Variants in PTCH1 observed in about 807,000 individuals in gnomAD.
PTCH1 encodes the protein protein patched homolog 1.
In PTCH1, 14 loss-of-function variants were observed where a neutral mutation model predicts 144.6. The ratio of observed to expected loss-of-function variants is 0.10; its 90% CI spans 0.06 to 0.15. The LOEUF (loss-of-function observed/expected upper bound fraction) is 0.15, where lower values mean the gene tolerates loss of function less well. Among genes scored for constraint, PTCH1 ranks in the 10% least tolerant of loss-of-function variants. The probability of loss-of-function intolerance (pLI) is 1.00; values close to 1 mark genes in which losing one functional copy is unlikely to be tolerated. For synonymous variants in PTCH1, 833 were observed against 793.6 expected (o/e 1.05, Z -0.83); for missense variants, 1,623 against 1,948.3 (o/e 0.83, Z 3.14).
chr9:95,512,374 T>TCCCCACC (rs1195983005), upstream of PTCH1, among the ~76,000 whole-genome samples: 2 of 143,676 alleles, frequency 1.4e-5, no homozygotes, highest in East Asian at 4.6e-4. Context: ...TATCTTAATC[T>TCCCCACC]CCCCACCCCC....
intron 2 of PTCH1, among the ~76,000 whole-genome samples, chr9:95,491,477 C>T (rs542572168): frequency 1.3e-4 from 20 of 152,314 alleles, no homozygotes; most frequent in African/African-American, 4.8e-4. Flanking sequence ...TACCCAAGAG[C>T]GGAGCAAGTG....
rs140497736 is a variant in PTCH1, at chr9:95,468,884, C to G, written c.2117G>C (p.Ser706Thr). Residue 706 changes from serine (S) to threonine (T), a missense_variant, in exon 14 of 24, where the codon AGC becomes ACC. Around this residue, in one of 7 missense-constraint regions of PTCH1, gnomAD observed 179 missense variants for 165.7 expected, o/e 1.08. Transcript: ENST00000331920. ...TLSCQSPEST[S>T]STRDLLSQFS... is the part of the protein sequence containing the mutation. ...CTGGGAGAGCAGGTCCCTTGTGGAG[C>G]TGGTGCTCTCTGGGCTCTGGCAGCT... 1.9e-6 allele frequency: 3 copies of G among 1,614,006 alleles called. No homozygotes were observed. In the African/African-American group the frequency reaches 4.0e-5, roughly 22 times the overall value.
intron 2 of PTCH1, among the ~76,000 whole-genome samples, chr9:95,502,195 G>A (rs910748340): frequency 3.9e-5 from 6 of 152,164 alleles, no homozygotes; most frequent in Non-Finnish European, 8.8e-5. Context: ...CAGCCCCTGT[G>A]CCTAGCTCAG....
rs1046810148 is a variant in PTCH1, at chr9:95,508,532, T to C, written c.-171A>G. On this transcript the variant is annotated 5_prime_UTR_variant, in exon 1 of 24. Transcript: ENST00000331920. ...CGGTTGACAGACCAGCCGCTGCTGCTGCTCACACGGCGGGCGCTGCTGCCG... is the reference window on the plus strand; with the variant it reads ...CGGTTGACAGACCAGCCGCTGCTGCCGCTCACACGGCGGGCGCTGCTGCCG... 1 of 1,012,178 alleles carries C rather than the reference T, an allele frequency of 9.9e-7. No individual in the cohort carries two copies. Among genetic ancestry groups the C allele is most frequent in the Non-Finnish European group, 1.2e-6 (1 of 847,522 alleles). The allele number at this position is 1,012,178 out of a possible 1,614,324, so 62.7% of individuals were successfully genotyped here.
Position 95,449,343 on chromosome 9 carries a change from G to T in PTCH1, c.3550-20C>A, listed in dbSNP as rs2136603455. ...AGACACCTATTTAAGGGGATTCCATGTTAAAAGTGTTCTTGTCCATTTACC... is the reference window on the plus strand; with the variant it reads ...AGACACCTATTTAAGGGGATTCCATTTTAAAAGTGTTCTTGTCCATTTACC... On this transcript the variant is annotated intron_variant, in intron 21 of 23. Coordinates refer to ENST00000331920, the MANE Select transcript of PTCH1 (RefSeq NM_000264.5). The surrounding 1 kb of genome is among the most constrained non-coding windows in gnomAD (Gnocchi z 5.3). 1 of 1,541,428 alleles carries T rather than the reference G, an allele frequency of 6.5e-7. No individual in the cohort carries two copies. Among genetic ancestry groups the T allele is most frequent in the African/African-American group, 1.4e-5 (1 of 73,340 alleles).
chr9:95,494,973 C>T (rs972054385), intron 2 of PTCH1: 1 of 152,274 alleles, frequency 6.6e-6, no homozygotes, highest in African/African-American at 2.4e-5. Context: ...CATTGGCCTC[C>T]CACTTGAGCC....
rs748023135 is a variant in PTCH1 at position 95,453,507 on chromosome 9, C to G, written c.3420G>C (p.Leu1140=). ...CAATGAAGTCGAACTCAGATCCCGC[C>G]AGCATCAGCACTCCCAGCAGAGTGG... The part of the protein sequence containing the change: ...AVSTLLGVLM[L]AGSEFDFIVR... Residue 1140 remains leucine (L), a synonymous_variant, in exon 20 of 24, where the codon CTG becomes CTC. Coordinates refer to ENST00000331920, the MANE Select transcript of PTCH1 (RefSeq NM_000264.5). 1.2e-6 allele frequency: 2 copies of G among 1,614,168 alleles called. No individual in the cohort carries two copies. The highest frequency in any genetic ancestry group is 2.2e-5 in the South Asian group (2 of 91,088).
chr9:95,453,331 A>T (rs1838633872), intron 20 of PTCH1, 147 bp downstream of exon 20: 1 of 1,210,032 alleles, frequency 8.3e-7, no homozygotes, highest in African/African-American at 1.5e-5. Context: ...GAGTTTCACC[A>T]TCTTGGCCAG....
chr9:95,508,862 G>C lies in PTCH1; in HGVS notation c.-501C>G, dbSNP rs1335829355. The C allele has an allele frequency of 2.0e-6, 2 of 979,468 alleles. No individual in the cohort carries two copies. Among genetic ancestry groups the C allele is most frequent in the Non-Finnish European group, 2.4e-6 (2 of 825,796 alleles). 60.7% of individuals were successfully genotyped at this position (979,468 alleles called of 1,614,324 possible). A position where few individuals can be genotyped will look rare whatever the true frequency, so the allele number is the denominator to read the frequency against. ...CCTCCCGGGTCGCCCGAGCGGCCGC[G>C]GAGGGCAAGCGCAGAGCCGCCGCCG... is the stretch of plus-strand genomic sequence containing the variant. On this transcript the variant is annotated 5_prime_UTR_variant, in exon 1 of 24. Coordinates refer to ENST00000331920, the MANE Select transcript of PTCH1 (RefSeq NM_000264.5).
At chr9:95,514,782 C>T (rs1364489167) in intron 1 of PTCH1, among the ~76,000 whole-genome samples, 1 of 152,054 alleles carries the variant, frequency 6.6e-6, no homozygotes, top group Non-Finnish European at 1.5e-5. Context: ...GAAAATAATT[C>T]CAAATGGTTC....
In PTCH1 at chr9:95,508,464, T is replaced by C; in HGVS notation, c.-103A>G. 2.0e-6 allele frequency: 2 copies of C among 1,022,890 alleles called. No individual in the cohort carries two copies. The highest frequency in any genetic ancestry group is 2.3e-6 in the Non-Finnish European group (2 of 854,928). 63.4% of individuals were successfully genotyped at this position (1,022,890 alleles called of 1,614,324 possible). A position where few individuals can be genotyped will look rare whatever the true frequency, so the allele number is the denominator to read the frequency against. On this transcript the variant is annotated 5_prime_UTR_variant, in exon 1 of 24. Coordinates refer to ENST00000331920, the MANE Select transcript of PTCH1 (RefSeq NM_000264.5). ...CTCCTGGCGCGCCTGGGCGCTCGGC[T>C]TGCGAGGACGCTGCTGGCCGCAGGC...
intron 12 of PTCH1, among the ~76,000 whole-genome samples, chr9:95,471,993 C>T (rs1204269397): frequency 1.3e-5 from 2 of 152,178 alleles, no homozygotes; most frequent in Non-Finnish European, 2.9e-5. Context: ...GCCGAGATCG[C>T]ACCATTGCAC....
At chr9:95,451,521 C>A (rs536572261) in intron 20 of PTCH1, 1 of 152,198 alleles carries the variant, frequency 6.6e-6, no homozygotes, top group African/African-American at 2.4e-5. Context: ...CTAATTCAGG[C>A]TAAGTTTCCT....
chr9:95,467,598 ATTTTG>A (rs1237826126), intron 14 of PTCH1, among the ~76,000 whole-genome samples, 173 bp from the exon 15 acceptor site: 3 of 152,104 alleles, frequency 2.0e-5, no homozygotes, highest in African/African-American at 4.8e-5. Context: ...TCGCATTTTT[ATTTTG>A]TTTTGTTTTA....
intron 2 of PTCH1, 162 bp downstream of exon 2, chr9:95,506,245 C>T: frequency 1.3e-6 from 1 of 791,008 alleles, no homozygotes; most frequent in Non-Finnish European, 1.9e-6. Context: ...GTCGGGCGGG[C>T]CTGGCTCCCG....
chr9:95,448,481 C>A (rs1838155892), intron 22 of PTCH1, among the ~76,000 whole-genome samples: 1 of 152,136 alleles, frequency 6.6e-6, no homozygotes, highest in South Asian at 2.1e-4. Flanking sequence ...CTCCTGGTGA[C>A]CTCCTGAATC....
rs1838039734 is a variant in PTCH1 at position 95,447,345 on chromosome 9, C to T, written c.3911G>A (p.Arg1304Lys). Reference protein sequence around the residue: ...PPGRQGQQPRRDPPREGLWPP... With the variant: ...PPGRQGQQPRKDPPREGLWPP... ...CCACAAGCCTTCTCTGGGGGGGTCC[C>T]TGCGGGGCTGCTGGCCTTGCCGTCC... The change falls in exon 23 of 24, where the codon AGG becomes AAG. Residue 1304 changes from arginine (R) to lysine (K), a missense_variant. Around this residue, in one of 7 missense-constraint regions of PTCH1, gnomAD observed 291 missense variants for 287.4 expected, o/e 1.01. Transcript: ENST00000331920. 3.1e-6 allele frequency: 5 copies of T among 1,613,500 alleles called. No homozygotes were observed. Among genetic ancestry groups the T allele is most frequent in the Non-Finnish European group, 4.2e-6 (5 of 1,179,950 alleles).
chr9:95,506,610 A>G lies in PTCH1; in HGVS notation c.202-11T>C. On this transcript the variant is annotated splice_polypyrimidine_tract_variant and intron_variant, in intron 1 of 23. Transcript: ENST00000331920. ...GCCAGTAGCCTTCCCCTGGGGACGA[A>G]GCAGAAGGGAGGAGTGAGCGCCGGG... is the stretch of plus-strand genomic sequence containing the variant. 1 of 1,604,574 alleles carries G rather than the reference A, an allele frequency of 6.2e-7. No homozygotes were observed. The highest frequency in any genetic ancestry group is 8.5e-7 in the Non-Finnish European group (1 of 1,175,466).
rs748117539 is a variant in PTCH1 at position 95,453,603 on chromosome 9, G to C, written c.3324C>G (p.Ile1108Met). The C allele has an allele frequency of 6.2e-7, 1 of 1,613,804 alleles. No homozygotes were observed. Among genetic ancestry groups the C allele is most frequent in the Non-Finnish European group, 8.5e-7 (1 of 1,180,034 alleles). ...GCACAGCCCTGCGGTTCTTGTCGCC[G>C]ATGGCCGTCAGAAAGGCCTGTGCAA... ...VHVALAFLTA[I>M]GDKNRRAVLA... The change falls in exon 20 of 24, where the codon ATC (isoleucine) becomes ATG (methionine). Residue 1108 changes from isoleucine to methionine, a missense_variant. Coordinates refer to ENST00000331920, the MANE Select transcript of PTCH1 (RefSeq NM_000264.5).
Sources: allele counts gnomAD v4.1 joint callset (sites outside exome capture counted in the v4.1 genomes callset), GRCh38; gene constraint gnomAD v4.1.1; regional missense constraint gnomAD v4.1.1; non-coding constraint Gnocchi (gnomAD v3.1); transcripts MANE v1.5; gene names NCBI Gene and HGNC (gene_info 2026-07-23, HGNC 2026-07-21).